LRIG1: variants seen among roughly 807,000 people sequenced by gnomAD.
LRIG1 encodes leucine rich repeats and immunoglobulin like domains 1.
Under a neutral mutation model 99.2 loss-of-function variants are expected in LRIG1, and 48 were observed. The observed-to-expected ratio is 0.48, with a 90% CI of 0.38 to 0.62. LRIG1 has a LOEUF of 0.62. Ranked by LOEUF, LRIG1 falls within the 20% of genes least tolerant of loss-of-function variation. The pLI is 0.00. For synonymous variants in LRIG1, 772 were observed against 596.1 expected (o/e 1.29, Z -4.30); for missense variants, 1,646 against 1,434.4 (o/e 1.15, Z -2.38).
chr3:66,481,473 T>G (rs1700850129), intron 1 of LRIG1, among the ~76,000 whole-genome samples: 1 of 152,084 alleles, frequency 6.6e-6, no homozygotes, highest in Admixed American at 6.5e-5. Flanking sequence ...GGGAACCACC[T>G]CGAAATTGGC....
At position 66,410,228 on chromosome 3, in the gene LRIG1, AGCGAGCC is replaced by A; in HGVS notation, c.829_835del (p.Gly277SerfsTer41). 6.2e-7 allele frequency: 1 copy of A among 1,613,980 alleles called. No homozygotes were observed. The highest frequency in any genetic ancestry group is 8.5e-7 in the Non-Finnish European group (1 of 1,179,898). On this transcript the variant is annotated frameshift_variant, in exon 7 of 19. Transcript: ENST00000273261. LOFTEE classifies it high-confidence loss of function. ...CTGATGCAGGGCCGTGAGGCCGTAG[AGCGAGCC>A]GCTGTTCACTTCTACCAGGCTGTTG... is the stretch of plus-strand genomic sequence containing the variant.
Position 66,380,503 on chromosome 3 carries a change from A to T in LRIG1, c.3056-14T>A. The T allele has an allele frequency of 6.2e-7, 1 of 1,614,164 alleles. No individual in the cohort carries two copies. Among genetic ancestry groups the T allele is most frequent in the Middle Eastern group, 1.7e-4 (1 of 6,060 alleles). ...AGGAAGAATCCCCTACAAGGAAAGA[A>T]CGAACCTGTCAGACCCCCACTTGAC... On this transcript the variant is annotated splice_polypyrimidine_tract_variant and intron_variant, in intron 18 of 18. Transcript: ENST00000273261.
chr3:66,387,168 T>C (rs748305960), intron 12 of LRIG1: 6 of 150,824 alleles, frequency 4.0e-5, no homozygotes, highest in East Asian at 1.9e-4. Context: ...GAGGGGACAA[T>C]ACCCATGGGG....
rs201755570 is a variant in LRIG1, at chr3:66,417,277, A to T, written c.366-11T>A. ...ATCTTGTTGTGCTGCCTGAAACACA[A>T]CAAGGGAGGTGACTTGAGCATCTCT... On this transcript the variant is annotated splice_polypyrimidine_tract_variant and intron_variant, in intron 3 of 18. Coordinates refer to ENST00000273261, the MANE Select transcript of LRIG1 (RefSeq NM_015541.3). The T allele has an allele frequency of 4.3e-6, 7 of 1,609,572 alleles. No individual in the cohort carries two copies. The highest frequency in any genetic ancestry group is 5.9e-6 in the Non-Finnish European group (7 of 1,176,558).
intron 1 of LRIG1, among the ~76,000 whole-genome samples, chr3:66,477,236 T>G (rs1438121208): frequency 4.8e-4 from 2 of 4,194 alleles, no homozygotes; most frequent in Non-Finnish European, 0.014. Flanking sequence ...AACAGCTGGT[T>G]TTTTTAACTG....
chr3:66,500,372 CG>C lies in LRIG1; in HGVS notation c.35del (p.Pro12ArgfsTer20). 6.8e-7 allele frequency: 1 copy of C among 1,479,116 alleles called. No homozygotes were observed. 91.6% of individuals were successfully genotyped at this position (1,479,116 alleles called of 1,614,324 possible). ...GAAGGAGAAGGCAAGGCGAGCGGCG[CG>C]GGGCCCCGAGCCCTCCCCGGACCGG... ...ARPVRGGLGA[P>X]RRSPCLLLLW... On this transcript the variant is annotated frameshift_variant, in exon 1 of 19. Coordinates refer to ENST00000273261, the MANE Select transcript of LRIG1 (RefSeq NM_015541.3). LOFTEE classifies it high-confidence loss of function.
At chr3:66,409,074 CTTGAGT>C (rs1660373887) in intron 7 of LRIG1, among the ~76,000 whole-genome samples, 1 of 152,004 alleles carries the variant, frequency 6.6e-6, no homozygotes, top group South Asian at 2.1e-4. Context: ...CACGCATCCC[CTTGAGT>C]TTGCCTGGTG....
At chr3:66,440,853 G>A (rs544608692) in intron 3 of LRIG1, among the ~76,000 whole-genome samples, 115 of 152,312 alleles carry the variant, frequency 7.6e-4, no homozygotes, top group African/African-American at 2.6e-3. Context: ...CTGCCCAGGT[G>A]ACATAGCAAA....
intron 1 of LRIG1, among the ~76,000 whole-genome samples, chr3:66,489,735 T>C (rs1004930523): frequency 5.9e-5 from 9 of 152,198 alleles, no homozygotes; most frequent in Admixed American, 2.0e-4. Flanking sequence ...ATGAAGTGAC[T>C]AGCCCAAGGT....
intron 3 of LRIG1, 66 bp downstream of exon 3, chr3:66,451,493 T>C: frequency 1.5e-6 from 2 of 1,367,064 alleles, no homozygotes; most frequent in African/African-American, 1.5e-5. Context: ...CCACCAGGTA[T>C]CAGCAAGGCA....
intron 3 of LRIG1, among the ~76,000 whole-genome samples, chr3:66,420,972 T>C (rs569305727): frequency 2.0e-5 from 3 of 152,152 alleles, no homozygotes; most frequent in East Asian, 1.9e-4. Flanking sequence ...CTTACATGGA[T>C]GGCAGCAGGC....
At chr3:66,382,466 G>C in intron 15 of LRIG1, 68 bp from the exon 16 acceptor site, 1 of 1,578,526 alleles carries the variant, frequency 6.3e-7, no homozygotes, top group Non-Finnish European at 8.7e-7. Context: ...CACGTTCACT[G>C]TCAAGCTCAG....
chr3:66,470,548 A>C (rs1242218492), intron 1 of LRIG1, among the ~76,000 whole-genome samples: 1 of 152,206 alleles, frequency 6.6e-6, no homozygotes, highest in East Asian at 1.9e-4. Context: ...AGTTGAGAAG[A>C]ATAGCCCCAT....
rs1700916522 is a variant in LRIG1 at position 66,379,679 on chromosome 3, T to C, written c.*584A>G. On this transcript the variant is annotated 3_prime_UTR_variant, in exon 19 of 19. Transcript: ENST00000273261. ...TGGATGGCACTTGCACCCCTGGCTCTACAGACAGGGAAGCCTGTTGCAGGG... is the reference window on the plus strand; with the variant it reads ...TGGATGGCACTTGCACCCCTGGCTCCACAGACAGGGAAGCCTGTTGCAGGG... 6.6e-6 allele frequency: 1 copy of C among 152,270 alleles called. No homozygotes were observed. Among genetic ancestry groups the C allele is most frequent in the Non-Finnish European group, 1.5e-5 (1 of 68,116 alleles). The allele number at this position is 152,270 out of a possible 1,614,324, so 9.4% of individuals were successfully genotyped here. A position where few individuals can be genotyped will look rare whatever the true frequency, so the allele number is the denominator to read the frequency against.
intron 1 of LRIG1, among the ~76,000 whole-genome samples, chr3:66,478,516 G>T (rs745966165): frequency 6.6e-6 from 1 of 152,206 alleles, no homozygotes; most frequent in Non-Finnish European, 1.5e-5. Context: ...CAATAAGGTA[G>T]GCTGTGCCTT....
chr3:66,493,461 AG>A (rs749846194), intron 1 of LRIG1, among the ~76,000 whole-genome samples: 2 of 152,220 alleles, frequency 1.3e-5, no homozygotes, highest in Non-Finnish European at 2.9e-5. Flanking sequence ...AAGATTTCCA[AG>A]GGTACATGAG....
chr3:66,403,284 T>A (rs569806843), intron 9 of LRIG1, among the ~76,000 whole-genome samples: 20 of 152,322 alleles, frequency 1.3e-4, no homozygotes, highest in Admixed American at 2.6e-4. Context: ...CACATAACCA[T>A]GATAGCATCA....
intron 1 of LRIG1, among the ~76,000 whole-genome samples, chr3:66,485,289 C>T (rs532163391): frequency 6.6e-6 from 1 of 152,244 alleles, no homozygotes; most frequent in African/African-American, 2.4e-5. Flanking sequence ...GGCCACAGCA[C>T]TCTCCCAGGA....
chr3:66,500,453 A>G lies in LRIG1; in HGVS notation c.-46T>C. The G allele has an allele frequency of 8.3e-7, 1 of 1,208,822 alleles. No individual in the cohort carries two copies. The highest frequency in any genetic ancestry group is 1.1e-6 in the Non-Finnish European group (1 of 938,998). 74.9% of individuals were successfully genotyped at this position (1,208,822 alleles called of 1,614,324 possible). On this transcript the variant is annotated 5_prime_UTR_variant, in exon 1 of 19. Coordinates refer to ENST00000273261, the MANE Select transcript of LRIG1 (RefSeq NM_015541.3). ...AACTCCGGGCGCGGGGACTGTGAGG[A>G]CCCGAACGGCCGCAGACGCGGGCGG...
Sources: gnomAD v4.1 joint callset for allele counts (sites outside exome capture counted in the v4.1 genomes callset) on GRCh38, gnomAD v4.1.1 for gene constraint, MANE v1.5 for transcripts, NCBI Gene and HGNC (gene_info 2026-07-23, HGNC 2026-07-21) for gene names.